The following OR51B5 variants were observed in gnomAD, a reference collection of about 807,000 sequenced individuals.
OR51B5 encodes olfactory receptor family 51 subfamily B member 5, also known as olfactory receptor 51B5.
For synonymous variants in OR51B5, 186 were observed against 144.8 expected, an observed-to-expected ratio of 1.28 and a Z score of -2.04; for missense variants, 456 against 374.6, an observed-to-expected ratio of 1.22 and a Z score of -1.79.
intron 1 of OR51B5, among the ~76,000 whole-genome samples, chr11:5,466,637 A>G (rs538719847): frequency 2.4e-4 from 37 of 152,352 alleles, no homozygotes; most frequent in African/African-American, 8.7e-4. Flanking sequence ...GAATTAGCAC[A>G]TATCTCTTTT....
intron 1 of OR51B5, among the ~76,000 whole-genome samples, chr11:5,372,700 CA>C (rs892278733): frequency 6.6e-6 from 1 of 152,068 alleles, no homozygotes; most frequent in African/African-American, 2.4e-5. Flanking sequence ...TATTTTCTCC[CA>C]AACTGTTCCT....
At chr11:5,374,347 A>C (rs1049700423) in intron 1 of OR51B5, among the ~76,000 whole-genome samples, 1 of 152,152 alleles carries the variant, frequency 6.6e-6, no homozygotes, top group Admixed American at 6.5e-5. Flanking sequence ...ACTATCATCA[A>C]AGACCAAAAG....
chr11:5,398,216 GA>G (rs1564799935), intron 1 of OR51B5, among the ~76,000 whole-genome samples: 8 of 151,884 alleles, frequency 5.3e-5, no homozygotes, highest in Non-Finnish European at 8.8e-5. Context: ...AAATAAGTTA[GA>G]AAAAAGAAAT....
chr11:5,396,741 G>C (rs543946644), intron 1 of OR51B5, among the ~76,000 whole-genome samples: 7 of 151,712 alleles, frequency 4.6e-5, no homozygotes, highest in African/African-American at 1.2e-4. Context: ...AGCCCGCATC[G>C]CCAAGTCAAT....
chr11:5,422,624 G>A, intron 1 of OR51B5: 1 of 1,613,876 alleles, frequency 6.2e-7, no homozygotes, highest in South Asian at 1.1e-5. Flanking sequence ...CACCAATGAA[G>A]TCATTGGTAG....
intron 1 of OR51B5, among the ~76,000 whole-genome samples, chr11:5,501,479 C>A (rs1421637061): frequency 4.1e-5 from 6 of 147,768 alleles, no homozygotes; most frequent in African/African-American, 1.5e-4. Flanking sequence ...GCTCTAAAGC[C>A]TCCCATAGTT....
chr11:5,367,394 C>A (rs1042217841), intron 1 of OR51B5, among the ~76,000 whole-genome samples: 1 of 152,100 alleles, frequency 6.6e-6, no homozygotes, highest in African/African-American at 2.4e-5. Flanking sequence ...CTGCTGGTTG[C>A]CCATTTTTAT....
At chr11:5,430,749 C>T (rs544597781) in intron 1 of OR51B5, 17 of 457,010 alleles carry the variant, frequency 3.7e-5, no homozygotes, top group South Asian at 2.6e-4. Context: ...GTACAGGTGG[C>T]ACCAAAAGGC....
chr11:5,389,938 C>T (rs1225159861), intron 1 of OR51B5: 1 of 1,611,246 alleles, frequency 6.2e-7, no homozygotes, highest in East Asian at 2.2e-5. Flanking sequence ...CTTTTCCCTA[C>T]TGTGGATCTG....
intron 1 of OR51B5, among the ~76,000 whole-genome samples, chr11:5,375,392 A>G (rs1849509492): frequency 6.7e-6 from 1 of 149,482 alleles, no homozygotes; most frequent in Admixed American, 6.7e-5. Context: ...CCAAAATGTG[A>G]AGACCATCAA....
At chr11:5,397,147 T>G (rs377293137) in intron 1 of OR51B5, among the ~76,000 whole-genome samples, 1 of 152,138 alleles carries the variant, frequency 6.6e-6, no homozygotes, top group Non-Finnish European at 1.5e-5. Context: ...GGCATGGGCA[T>G]GGACTTCATG....
At chr11:5,450,911 A>T (rs892014330) in intron 1 of OR51B5, among the ~76,000 whole-genome samples, 2 of 152,138 alleles carry the variant, frequency 1.3e-5, no homozygotes, top group Non-Finnish European at 2.9e-5. Context: ...CATGCTCTGC[A>T]CATGTATCCC....
chr11:5,423,066 T>C, intron 1 of OR51B5: 3 of 1,614,172 alleles, frequency 1.9e-6, no homozygotes, highest in Non-Finnish European at 2.5e-6. Flanking sequence ...CCCCCGGTGA[T>C]GAACCCCATC....
chr11:5,349,860 T>C (rs4910552), intron 1 of OR51B5, among the ~76,000 whole-genome samples: 59,527 of 151,868 alleles, frequency 0.39, 11,953 homozygotes, highest in Non-Finnish European at 0.43. Flanking sequence ...AGTTCCCACA[T>C]TGGCTCATCA....
chr11:5,389,419 C>A lies in OR51B5; in HGVS notation n.85-42509G>T, dbSNP rs139435494. On this transcript the variant is annotated intron_variant and non_coding_transcript_variant, in intron 1 of 4. Coordinates refer to the OR51B5 transcript ENST00000415970. Reference sequence around the variant, plus strand: ...GAGGAATGTCAGTCCAATATTCGCTCAGTCCTCAATTCATGCTGCTATCCA... The same window carrying A: ...GAGGAATGTCAGTCCAATATTCGCTAAGTCCTCAATTCATGCTGCTATCCA... 459 of 1,613,382 alleles carry A rather than the reference C, an allele frequency of 2.8e-4. 3 individuals are homozygous for A. In the East Asian group the frequency reaches 9.7e-3, roughly 34 times the overall value.
chr11:5,461,666 A>C (rs964900462), intron 1 of OR51B5, among the ~76,000 whole-genome samples: 3 of 151,944 alleles, frequency 2.0e-5, no homozygotes, highest in African/African-American at 7.3e-5. Context: ...GTCTCTGTCA[A>C]CTCTCTGGGC....
intron 1 of OR51B5, among the ~76,000 whole-genome samples, chr11:5,494,310 C>T (rs1385904089): frequency 6.6e-6 from 1 of 152,116 alleles, no homozygotes; most frequent in Non-Finnish European, 1.5e-5. Context: ...TGAGGTGAAC[C>T]ATTTCTTTGT....
In OR51B5 at chr11:5,495,579, G is replaced by A. The variant is rs187077965; in HGVS notation, n.84+9990C>T. Among the ~76,000 whole-genome samples, 942 of 152,246 alleles carry A rather than the reference G, an allele frequency of 6.2e-3. 9 individuals carry two copies. The highest frequency in any genetic ancestry group is 0.021 in the African/African-American group (890 of 41,552). ...TATGGTAATTACAAACTAAAAATCT[G>A]TAGTAGATACACAGAAGACAAAAAT... On this transcript the variant is annotated intron_variant and non_coding_transcript_variant, in intron 1 of 4. Transcript: ENST00000415970.
At chr11:5,483,085 T>C (rs963332304) in intron 1 of OR51B5, among the ~76,000 whole-genome samples, 51 of 150,396 alleles carry the variant, frequency 3.4e-4, no homozygotes, top group Middle Eastern at 3.4e-3. Flanking sequence ...TTATGCACAA[T>C]AGCAAAGACT....
Sources: allele counts gnomAD v4.1 joint callset (sites outside exome capture counted in the v4.1 genomes callset), GRCh38; gene constraint gnomAD v4.1.1; transcripts MANE v1.5; gene names NCBI Gene and HGNC (gene_info 2026-07-23, HGNC 2026-07-21).